OSBP2: variants seen among roughly 807,000 people sequenced by gnomAD.
OSBP2 encodes the protein oxysterol binding protein 2, also known as oxysterol-binding protein 2.
A neutral mutation model predicts 96.0 loss-of-function variants in OSBP2; 66 were observed. The ratio of observed to expected loss-of-function variants is 0.69; its 90% CI spans 0.56 to 0.84. OSBP2 has a LOEUF of 0.84. OSBP2 is among the 40% of genes least tolerant of loss of function. The probability of loss-of-function intolerance (pLI) is 0.00; values close to 1 mark genes in which losing one functional copy is unlikely to be tolerated. For missense variants in OSBP2, 1,038 were observed against 1,222.7 expected (o/e 0.85, Z 2.25); for synonymous variants, 525 against 520.9 (o/e 1.01, Z -0.11).
rs144285543 is a variant in OSBP2 at position 30,862,552 on chromosome 22, T to C, written c.854-7877T>C. ...AAAATTAGCTGGGCCTGGTGGCACATGCCTGTAATCTCAGCTACTGGGGAG... is the reference window on the plus strand; with the variant it reads ...AAAATTAGCTGGGCCTGGTGGCACACGCCTGTAATCTCAGCTACTGGGGAG... On this transcript the variant is annotated intron_variant, in intron 2 of 13. Coordinates refer to ENST00000332585, the MANE Select transcript of OSBP2 (RefSeq NM_030758.4). Among the ~76,000 whole-genome samples the C allele has an allele frequency of 7.8e-3, 1,182 of 152,184 alleles. 11 individuals carry two copies. Among genetic ancestry groups the C allele is most frequent in the East Asian group, 0.03 (154 of 5,168 alleles).
intron 3 of OSBP2, among the ~76,000 whole-genome samples, chr22:30,882,601 A>T (rs538391616): frequency 2.0e-5 from 3 of 152,018 alleles, no homozygotes; most frequent in Non-Finnish European, 4.4e-5. Flanking sequence ...TGGGGCTGGC[A>T]TCAGAATCAG....
At chr22:30,900,405 T>A (rs990497122) in intron 12 of OSBP2, among the ~76,000 whole-genome samples, 1 of 152,074 alleles carries the variant, frequency 6.6e-6, no homozygotes, top group African/African-American at 2.4e-5. Flanking sequence ...TGTTCACGGA[T>A]AGAAAGTATT....
rs140377384 is a variant in OSBP2 at position 30,720,400 on chromosome 22, G to A, written c.645-20761G>A. On this transcript the variant is annotated intron_variant, in intron 1 of 13. Coordinates refer to ENST00000332585, the MANE Select transcript of OSBP2 (RefSeq NM_030758.4). ...TCACTCACACGCCTGGCAAAATGGTGCAGGCAATTGGCAGGAGGCCTCAGT... is the reference window on the plus strand; with the variant it reads ...TCACTCACACGCCTGGCAAAATGGTACAGGCAATTGGCAGGAGGCCTCAGT... Among the ~76,000 whole-genome samples the A allele has an allele frequency of 2.7e-3, 413 of 152,270 alleles. 9 individuals are homozygous for A. The East Asian group carries it at 0.068, about 25-fold the overall frequency.
chr22:30,884,336 C>A (rs2039765292), intron 3 of OSBP2, among the ~76,000 whole-genome samples: 1 of 152,194 alleles, frequency 6.6e-6, no homozygotes, highest in Admixed American at 6.5e-5. Flanking sequence ...GACAGGGCAG[C>A]TTGTGGGCAC....
At chr22:30,709,602 A>G (rs1309335402) in intron 1 of OSBP2, among the ~76,000 whole-genome samples, 1 of 150,376 alleles carries the variant, frequency 6.6e-6, no homozygotes, top group Non-Finnish European at 1.5e-5. Flanking sequence ...TGCAAACTCC[A>G]CCTCCCAGAT....
At chr22:30,889,148 G>A (rs1210696044) in intron 5 of OSBP2, 29 bp from the exon 6 acceptor site, 1 of 1,606,804 alleles carries the variant, frequency 6.2e-7, no homozygotes, top group South Asian at 1.1e-5. Context: ...GGATTCATTA[G>A]TAACTTGCCT....
At chr22:30,839,744 C>A (rs1025763762) in intron 2 of OSBP2, among the ~76,000 whole-genome samples, 4 of 151,144 alleles carry the variant, frequency 2.6e-5, no homozygotes, top group African/African-American at 9.8e-5. Flanking sequence ...GGATATTAGC[C>A]CTTTGTCAGA....
At chr22:30,825,550 G>A (rs1280827844) in intron 2 of OSBP2, among the ~76,000 whole-genome samples, 1 of 152,202 alleles carries the variant, frequency 6.6e-6, no homozygotes, top group Non-Finnish European at 1.5e-5. Context: ...ACCCACTTGA[G>A]GTCTCTTGTA....
At chr22:30,859,992 G>C (rs2039178087) in intron 2 of OSBP2, among the ~76,000 whole-genome samples, 1 of 152,160 alleles carries the variant, frequency 6.6e-6, no homozygotes. Context: ...CAAATGTGGA[G>C]CAAGGGATGG....
At chr22:30,792,141 G>A (rs1237904111) in intron 2 of OSBP2, among the ~76,000 whole-genome samples, 1 of 151,898 alleles carries the variant, frequency 6.6e-6, no homozygotes, top group Non-Finnish European at 1.5e-5. Flanking sequence ...GTGAAACCCC[G>A]TTTCTACTAA....
chr22:30,904,728 G>A (rs1423174659), intron 12 of OSBP2, among the ~76,000 whole-genome samples: 2 of 152,274 alleles, frequency 1.3e-5, no homozygotes, highest in African/African-American at 2.4e-5. Context: ...CACATGGAAC[G>A]TGTGCAAAAA....
chr22:30,802,014 G>A (rs1213695740), intron 2 of OSBP2, among the ~76,000 whole-genome samples: 2 of 149,432 alleles, frequency 1.3e-5, no homozygotes, highest in African/African-American at 5.0e-5. Flanking sequence ...AATGACAGGA[G>A]TTTCCTATTT....
At chr22:30,902,375 G>C (rs1266377358) in intron 12 of OSBP2, 23 of 1,575,940 alleles carry the variant, frequency 1.5e-5, no homozygotes, top group Non-Finnish European at 1.9e-5. Flanking sequence ...CGATGAAGTG[G>C]ATTCCCTTAA....
At chr22:30,757,032 C>T (rs1372345477) in intron 2 of OSBP2, among the ~76,000 whole-genome samples, 12 of 150,302 alleles carry the variant, frequency 8.0e-5, no homozygotes, top group Non-Finnish European at 1.5e-4. Context: ...AGGGTATCTG[C>T]TGTGCGTTGA....
intron 12 of OSBP2, among the ~76,000 whole-genome samples, chr22:30,898,208 C>T (rs1400630997): frequency 6.6e-6 from 1 of 151,954 alleles, no homozygotes; most frequent in Non-Finnish European, 1.5e-5. Context: ...CTTAATTAGC[C>T]AGGCATGATG....
At chr22:30,743,717 T>A (rs1186079366) in intron 2 of OSBP2, among the ~76,000 whole-genome samples, 1 of 152,184 alleles carries the variant, frequency 6.6e-6, no homozygotes, top group African/African-American at 2.4e-5. Flanking sequence ...TTGCCTTATT[T>A]TTTAGGAACT....
intron 2 of OSBP2, among the ~76,000 whole-genome samples, chr22:30,867,923 CA>C (rs1175982281): frequency 6.6e-6 from 1 of 152,220 alleles, no homozygotes; most frequent in African/African-American, 2.4e-5. Context: ...TTCTGATGGA[CA>C]GGGGGCTGGC....
At chr22:30,816,583 C>T (rs994870445) in intron 2 of OSBP2, among the ~76,000 whole-genome samples, 1 of 152,216 alleles carries the variant, frequency 6.6e-6, no homozygotes, top group Non-Finnish European at 1.5e-5. Context: ...GGCTCCAGGG[C>T]AAAACCTTCC....
At chr22:30,764,262 A>G in intron 2 of OSBP2, 1 of 981,562 alleles carries the variant, frequency 1.0e-6, no homozygotes, top group Non-Finnish European at 1.2e-6. Flanking sequence ...TAGAGCAACT[A>G]GAGCAGGCAG....
Sources: gnomAD v4.1 joint callset for allele counts (sites outside exome capture counted in the v4.1 genomes callset) on GRCh38, gnomAD v4.1.1 for gene constraint, MANE v1.5 for transcripts, NCBI Gene and HGNC (gene_info 2026-07-23, HGNC 2026-07-21) for gene names.